Variants in TTC21B observed in about 807,000 individuals in gnomAD.
TTC21B encodes tetratricopeptide repeat protein 21B.
In TTC21B, 127 loss-of-function variants were observed where a neutral mutation model predicts 175.1. The ratio of observed to expected loss-of-function variants is 0.73; its 90% CI spans 0.63 to 0.84. The LOEUF (loss-of-function observed/expected upper bound fraction) is 0.84. Among genes scored for constraint, TTC21B ranks in the 40% least tolerant of loss-of-function variants. The pLI is 0.00. For synonymous variants in TTC21B, 524 were observed against 524.5 expected, an observed-to-expected ratio of 1.00 and a Z score of 0.01; for missense variants, 1,561 against 1,558.3, an observed-to-expected ratio of 1.00 and a Z score of -0.03.
chr2:165,890,878 A>G lies in TTC21B; in HGVS notation c.3061T>C (p.Leu1021=), dbSNP rs1685165371. The change falls in exon 23 of 29, where the codon TTG becomes CTG. Residue 1021 remains leucine, a synonymous_variant. Coordinates refer to ENST00000243344, the MANE Select transcript of TTC21B (RefSeq NM_024753.5). ...MAEKRNSRAK[L]EPGFQYCKGL... ...TTACAATACTGAAATCCTGGTTCCA[A>G]TTTTGCTCTGGAGTTACGTTTCTCA... 6.2e-7 allele frequency: 1 copy of G among 1,613,464 alleles called. No homozygotes were observed.
At chr2:165,927,976 T>C (rs1174720891) in intron 11 of TTC21B, among the ~76,000 whole-genome samples, 1 of 152,188 alleles carries the variant, frequency 6.6e-6, no homozygotes, top group African/African-American at 2.4e-5. Flanking sequence ...GTGAGCTGAA[T>C]ATAATAAAGT....
intron 22 of TTC21B, among the ~76,000 whole-genome samples, chr2:165,892,193 G>A (rs1685217886): frequency 6.6e-6 from 1 of 152,088 alleles, no homozygotes. Context: ...GGGATTTGTA[G>A]GGGACTTGTA....
chr2:165,883,787 C>A lies in TTC21B; in HGVS notation c.3684+7G>T, dbSNP rs1162276824. On this transcript the variant is annotated splice_region_variant and intron_variant, in intron 26 of 28. Transcript: ENST00000243344. ...CAATAATTATTTTTTACTCTTCAAT[C>A]ACCTACTCTATTATGACGCAGGCAC... 2 of 1,607,656 alleles carry A rather than the reference C, an allele frequency of 1.2e-6. No individual in the cohort carries two copies. The highest frequency in any genetic ancestry group is 4.5e-5 in the East Asian group (2 of 44,822).
intron 12 of TTC21B, among the ~76,000 whole-genome samples, chr2:165,922,668 A>G (rs1431771844): frequency 6.6e-6 from 1 of 152,064 alleles, no homozygotes; most frequent in Non-Finnish European, 1.5e-5. Context: ...TTTGGAAAAT[A>G]GTATGAAGAT....
At position 165,874,598 on chromosome 2, in the gene TTC21B, A is replaced by G; in HGVS notation, c.*157T>C. On this transcript the variant is annotated 3_prime_UTR_variant, in exon 29 of 29. Transcript: ENST00000243344. Reference sequence around the variant, plus strand: ...CCATTAGGAAACACCAATTTCACATAGTACTTCTCTTGATGTACAGCAGCA... The same window carrying G: ...CCATTAGGAAACACCAATTTCACATGGTACTTCTCTTGATGTACAGCAGCA... 1.5e-6 allele frequency: 1 copy of G among 654,188 alleles called. No individual in the cohort carries two copies. Among genetic ancestry groups the G allele is most frequent in the Non-Finnish European group, 2.7e-6 (1 of 364,650 alleles). The allele number at this position is 654,188 out of a possible 1,614,324, so 40.5% of individuals were successfully genotyped here. A position where few individuals can be genotyped will look rare whatever the true frequency, so the allele number is the denominator to read the frequency against.
intron 12 of TTC21B, among the ~76,000 whole-genome samples, chr2:165,920,800 A>ATTTAAAATATTTTGAAATATT (rs1470863737): frequency 1.6e-5 from 1 of 62,440 alleles, no homozygotes; most frequent in African/African-American, 4.1e-5. Context: ...TTTGAAGGAT[A>ATTTAAAATATTTTGAAATATT]CTAAATATTT....
intron 18 of TTC21B, 79 bp downstream of exon 18, chr2:165,911,248 C>A: frequency 6.5e-7 from 1 of 1,533,274 alleles, no homozygotes; most frequent in Non-Finnish European, 9.0e-7. Flanking sequence ...ATTGAGAATA[C>A]AAATACATAT....
At chr2:165,952,712 G>A (rs1344287752) in intron 1 of TTC21B, among the ~76,000 whole-genome samples, 1 of 152,162 alleles carries the variant, frequency 6.6e-6, no homozygotes, top group Non-Finnish European at 1.5e-5. Flanking sequence ...ACTTCAGGCA[G>A]AAAAACAAGA....
chr2:165,935,499 T>A (rs1445289791), intron 6 of TTC21B, among the ~76,000 whole-genome samples: 1 of 152,056 alleles, frequency 6.6e-6, no homozygotes, highest in Non-Finnish European at 1.5e-5. Flanking sequence ...AGTTTTAAAA[T>A]GATTAGGGAA....
In TTC21B at chr2:165,899,798, C is replaced by T; in HGVS notation, c.2840G>A (p.Ser947Asn). 6.2e-7 allele frequency: 1 copy of T among 1,613,566 alleles called. No individual in the cohort carries two copies. Among genetic ancestry groups the T allele is most frequent in the South Asian group, 1.1e-5 (1 of 91,080 alleles). ...GGTAGCAGCTTCGTTATCCTGGTCA[C>T]TCTGAAGCAGTAGAGCACACTGCCG... ...CLRQCALLLQ[S>N]DQDNEAATMM... is the part of the protein sequence containing the mutation. The change falls in exon 21 of 29, where the codon AGT (serine) becomes AAT (asparagine). Residue 947 changes from serine (S) to asparagine (N), a missense_variant. Physicochemically the swap from Ser to Asn is conservative, Grantham distance 46. Coordinates refer to ENST00000243344, the MANE Select transcript of TTC21B (RefSeq NM_024753.5).
chr2:165,948,055 G>T (rs1687642875), intron 3 of TTC21B: 1 of 152,210 alleles, frequency 6.6e-6, no homozygotes, highest in African/African-American at 2.4e-5. Context: ...TCCCACTGGA[G>T]TACGGAGAAA....
intron 19 of TTC21B, among the ~76,000 whole-genome samples, chr2:165,906,477 C>A (rs978103393): frequency 4.0e-5 from 6 of 151,602 alleles, no homozygotes; most frequent in African/African-American, 1.2e-4. Context: ...TGTAGACATT[C>A]AAAAGAAAAG....
chr2:165,924,512 G>T (rs1249752212), intron 12 of TTC21B, 37 bp downstream of exon 12: 1 of 1,593,950 alleles, frequency 6.3e-7, no homozygotes. Flanking sequence ...ATCAACATCA[G>T]AATAAAAAGG....
chr2:165,934,562 T>G (rs1687052969), intron 6 of TTC21B, among the ~76,000 whole-genome samples: 1 of 141,906 alleles, frequency 7.0e-6, no homozygotes, highest in African/African-American at 2.7e-5. Context: ...TGATAAAAAT[T>G]ATCAGAGTCC....
At chr2:165,933,318 T>C (rs940724206) in intron 6 of TTC21B, among the ~76,000 whole-genome samples, 1 of 152,128 alleles carries the variant, frequency 6.6e-6, no homozygotes, top group African/African-American at 2.4e-5. Context: ...CAATCCTAAA[T>C]AAAATATTAG....
At chr2:165,886,402 C>A (rs1428906266) in intron 25 of TTC21B, among the ~76,000 whole-genome samples, 1 of 152,010 alleles carries the variant, frequency 6.6e-6, no homozygotes, top group Admixed American at 6.6e-5. Context: ...AAAACGGGAC[C>A]ATACATTATT....
In TTC21B at chr2:165,931,720, T is replaced by C. The variant is rs559233972; in HGVS notation, c.894+38A>G. The C allele has an allele frequency of 5.2e-6, 8 of 1,526,998 alleles. No individual in the cohort carries two copies. In the East Asian group the frequency reaches 1.1e-4, roughly 21 times the overall value. The allele number at this position is 1,526,998 out of a possible 1,614,324, so 94.6% of individuals were successfully genotyped here. On this transcript the variant is annotated intron_variant, in intron 8 of 28. Transcript: ENST00000243344. Reference sequence around the variant, plus strand: ...TCCACTTATTTTATGTCCTCTACTATAGATAACAGAGCTCTGGTACATGGT... The same window carrying C: ...TCCACTTATTTTATGTCCTCTACTACAGATAACAGAGCTCTGGTACATGGT...
chr2:165,939,277 T>C (rs1687280156), intron 6 of TTC21B, among the ~76,000 whole-genome samples: 1 of 152,226 alleles, frequency 6.6e-6, no homozygotes, highest in Admixed American at 6.5e-5. Context: ...ATTAATATTT[T>C]GTCAGATATG....
At chr2:165,901,231 T>C (rs1685549641) in intron 20 of TTC21B, among the ~76,000 whole-genome samples, 1 of 152,208 alleles carries the variant, frequency 6.6e-6, no homozygotes, top group Admixed American at 6.5e-5. Context: ...ATGTAAGGCA[T>C]CATGTAAGAT....
Sources: allele counts gnomAD v4.1 joint callset (sites outside exome capture counted in the v4.1 genomes callset), GRCh38; gene constraint gnomAD v4.1.1; transcripts MANE v1.5; gene names NCBI Gene and HGNC (gene_info 2026-07-23, HGNC 2026-07-21).